Variants in ABCA12 observed in about 807,000 individuals in gnomAD.
The protein encoded by ABCA12 is ATP binding cassette subfamily A member 12.
Under a neutral mutation model 293.5 loss-of-function variants are expected in ABCA12, and 156 were observed. That is an observed-to-expected ratio of 0.53 (90% confidence interval 0.47 to 0.61). The LOEUF is 0.61. Among genes scored for constraint, ABCA12 ranks in the 20% least tolerant of loss-of-function variants. ABCA12 has a pLI of 0.00. For synonymous variants in ABCA12, 1,063 were observed against 1,108.0 expected (o/e 0.96, Z 0.81); for missense variants, 2,797 against 3,090.2 (o/e 0.91, Z 2.25).
intron 42 of ABCA12, among the ~76,000 whole-genome samples, chr2:214,956,437 A>C (rs1339790217): frequency 6.6e-6 from 1 of 152,122 alleles, no homozygotes; most frequent in African/African-American, 2.4e-5. Flanking sequence ...GGCACCCAAT[A>C]AATGCTTATT....
chr2:215,104,691 G>A (rs1161486111), intron 2 of ABCA12, among the ~76,000 whole-genome samples: 2 of 152,174 alleles, frequency 1.3e-5, no homozygotes, highest in Admixed American at 1.3e-4. Context: ...ATGGGTCTTT[G>A]GCCGTGAAAT....
chr2:215,069,499 T>C (rs191661606), intron 2 of ABCA12, among the ~76,000 whole-genome samples: 1 of 152,322 alleles, frequency 6.6e-6, no homozygotes, highest in East Asian at 1.9e-4. Context: ...TCTTGTAGTT[T>C]TCAAGCACAT....
intron 2 of ABCA12, among the ~76,000 whole-genome samples, chr2:215,094,508 C>CG: frequency 6.6e-6 from 1 of 152,296 alleles, no homozygotes; most frequent in Non-Finnish European, 1.5e-5. Context: ...TACCTCCTTC[C>CG]AGCCTCACAG....
intron 2 of ABCA12, among the ~76,000 whole-genome samples, chr2:215,104,510 G>A (rs1702422757): frequency 6.6e-6 from 1 of 152,184 alleles, no homozygotes; most frequent in Admixed American, 6.5e-5. Context: ...CGACCCCTCT[G>A]TGTGCTTCAG....
intron 33 of ABCA12, among the ~76,000 whole-genome samples, chr2:214,977,379 GA>G (rs1423942936): frequency 6.6e-6 from 1 of 152,126 alleles, no homozygotes; most frequent in Non-Finnish European, 1.5e-5. Flanking sequence ...CAAAAGAAAA[GA>G]AATGAGAACT....
intron 3 of ABCA12, among the ~76,000 whole-genome samples, chr2:215,055,324 A>G (rs1523722): frequency 1 from 152,163 of 152,208 alleles, 76,059 homozygotes; most frequent in Non-Finnish European, 1. Flanking sequence ...ACTAGGTTTT[A>G]GAAGAAGACA....
rs1559144910 is a variant in ABCA12 at position 215,011,589 on chromosome 2, CT to C, written c.2181del (p.Ala728HisfsTer12). 1.2e-6 allele frequency: 2 copies of C among 1,614,008 alleles called. No individual in the cohort carries two copies. Among genetic ancestry groups the C allele is most frequent in the Admixed American group, 3.3e-5 (2 of 60,010 alleles). The stretch of plus-strand genomic sequence containing the variant: ...GTGGTAATTCCTTGAGAACATAATG[CT>C]TGGGAGATGGTGCTAAATGATCCTT... ...TPQGSFSTIS[Q>X]ALCSQGITTE... On this transcript the variant is annotated frameshift_variant, in exon 17 of 53. Coordinates refer to ENST00000272895, the MANE Select transcript of ABCA12 (RefSeq NM_173076.3). LOFTEE classifies it high-confidence loss of function.
At chr2:215,075,194 A>C (rs981437359) in intron 2 of ABCA12, among the ~76,000 whole-genome samples, 2 of 152,042 alleles carry the variant, frequency 1.3e-5, no homozygotes, top group Admixed American at 1.3e-4. Context: ...GAGGGGGGAA[A>C]ATTGAGTAAT....
chr2:215,002,862 T>A (rs1700173122), intron 20 of ABCA12, among the ~76,000 whole-genome samples: 1 of 152,162 alleles, frequency 6.6e-6, no homozygotes, highest in African/African-American at 2.4e-5. Context: ...AACATAAGAG[T>A]CTCAGTGCTA....
chr2:214,956,049 T>C (rs1049630576), intron 42 of ABCA12, among the ~76,000 whole-genome samples: 2 of 152,172 alleles, frequency 1.3e-5, no homozygotes, highest in Non-Finnish European at 2.9e-5. Context: ...CTAGCCTGTT[T>C]TGAGCAAAAC....
At chr2:214,961,093 A>T (rs1204558396) in intron 39 of ABCA12, among the ~76,000 whole-genome samples, 11 of 152,122 alleles carry the variant, frequency 7.2e-5, no homozygotes, top group Non-Finnish European at 1.0e-4. Flanking sequence ...GTTGATTTTT[A>T]AAACCAGTAA....
At chr2:215,037,595 G>T (rs1431698835) in intron 7 of ABCA12, among the ~76,000 whole-genome samples, 1 of 152,032 alleles carries the variant, frequency 6.6e-6, no homozygotes. Flanking sequence ...TCTTCTAAGT[G>T]GTCTATAGGC....
chr2:215,072,823 G>A lies in ABCA12; in HGVS notation c.164-8604C>T, dbSNP rs945776554. On this transcript the variant is annotated intron_variant, in intron 2 of 52. Transcript: ENST00000272895. ...AAGAATGTTGAGTTCTTCGCCAGGC[G>A]CGGTGGCTCACGCCTGTAATCCCAG... Among the ~76,000 whole-genome samples, 12 of 152,268 alleles carry A rather than the reference G, an allele frequency of 7.9e-5. 1 individual carries two copies. The highest frequency in any genetic ancestry group is 3.9e-4 in the Admixed American group (6 of 15,290).
chr2:214,964,325 G>A (rs368271050), intron 39 of ABCA12, among the ~76,000 whole-genome samples: 3 of 152,116 alleles, frequency 2.0e-5, no homozygotes, highest in Non-Finnish European at 4.4e-5. Context: ...CACAAGACAA[G>A]GATATGCTCT....
chr2:214,946,112 G>T (rs1471735623), intron 48 of ABCA12, among the ~76,000 whole-genome samples: 1 of 152,024 alleles, frequency 6.6e-6, no homozygotes, highest in Non-Finnish European at 1.5e-5. Context: ...CATATTTGAG[G>T]TGATAGATAA....
chr2:214,950,893 T>A lies in ABCA12; in HGVS notation c.6838A>T (p.Ile2280Leu). Residue 2280 changes from isoleucine (I) to leucine (L), a missense_variant, in exon 45 of 53, where the codon ATA becomes TTA. Ile to Leu is a conservative substitution (Grantham distance 5). Transcript: ENST00000272895. ...IIAVNNISIG[I>L]PAGECFGLLG... ...CAGTTTCTTACCTCTCCAGCAGGTA[T>A]CCCAATGCTGATGTTGTTTACAGCT... The A allele has an allele frequency of 6.2e-7, 1 of 1,614,032 alleles. No homozygotes were observed. The highest frequency in any genetic ancestry group is 8.5e-7 in the Non-Finnish European group (1 of 1,179,904).
At chr2:215,059,320 G>A (rs984052380) in intron 3 of ABCA12, among the ~76,000 whole-genome samples, 11 of 152,090 alleles carry the variant, frequency 7.2e-5, no homozygotes, top group South Asian at 6.2e-4. Context: ...GTGATTTGAC[G>A]CAGTTGTCCT....
At chr2:215,104,826 G>T (rs1702429905) in intron 2 of ABCA12, among the ~76,000 whole-genome samples, 1 of 152,154 alleles carries the variant, frequency 6.6e-6, no homozygotes, top group African/African-American at 2.4e-5. Context: ...ATTCCCAGGT[G>T]GATGTAGCTG....
At chr2:214,982,117 T>C (rs1431404745) in intron 30 of ABCA12, 70 bp downstream of exon 30, 2 of 1,543,056 alleles carry the variant, frequency 1.3e-6, no homozygotes, top group African/African-American at 2.7e-5. Flanking sequence ...CAGCCTCAGT[T>C]TGCTTTTGTA....
Sources: allele counts gnomAD v4.1 joint callset (sites outside exome capture counted in the v4.1 genomes callset), GRCh38; gene constraint gnomAD v4.1.1; transcripts MANE v1.5; gene names NCBI Gene and HGNC (gene_info 2026-07-23, HGNC 2026-07-21).